The following BCAR3 variants were observed in gnomAD, a reference collection of about 807,000 sequenced individuals.
BCAR3 encodes the protein BCAR3 adaptor protein, NSP family member, also known as breast cancer anti-estrogen resistance protein 3.
A neutral mutation model predicts 80.1 loss-of-function variants in BCAR3; 37 were observed. That is an observed-to-expected ratio of 0.46 (90% CI 0.36 to 0.61). The LOEUF is 0.61. BCAR3 is among the 20% of genes least tolerant of loss of function. The pLI, the probability that BCAR3 is intolerant of heterozygous loss-of-function variation, is 0.00. For synonymous variants in BCAR3, 389 were observed against 418.9 expected (o/e 0.93, Z 0.87); for missense variants, 978 against 1,068.2 (o/e 0.92, Z 1.18).
At chr1:93,841,984 G>C (rs891249611) in intron 2 of BCAR3, among the ~76,000 whole-genome samples, 1 of 152,050 alleles carries the variant, frequency 6.6e-6, no homozygotes, top group Non-Finnish European at 1.5e-5. Flanking sequence ...TTCCTTGTAC[G>C]CAAGTCAGTC....
In BCAR3 at chr1:93,681,811, C is replaced by G. The variant is rs1478673053; in HGVS notation, c.-225G>C. 3.3e-5 allele frequency: 5 copies of G among 152,122 alleles called. No homozygotes were observed. Among genetic ancestry groups the G allele is most frequent in the African/African-American group, 9.7e-5 (4 of 41,422 alleles). The allele number at this position is 152,122 out of a possible 1,614,324, so 9.4% of individuals were successfully genotyped here. A position where few individuals can be genotyped will look rare whatever the true frequency, so the allele number is the denominator to read the frequency against. On this transcript the variant is annotated 5_prime_UTR_variant, in exon 1 of 12. Coordinates refer to ENST00000260502, the MANE Select transcript of BCAR3 (RefSeq NM_003567.4). ...CGGCTCCGGTCCCGGCCCCGTCCCC[C>G]GCCCGGCCAGCAGCAGGCGCAGCTC...
chr1:93,810,640 T>C (rs1429861992), intron 2 of BCAR3, among the ~76,000 whole-genome samples: 1 of 152,178 alleles, frequency 6.6e-6, no homozygotes, highest in African/African-American at 2.4e-5. Context: ...TCCAGGACCC[T>C]CTACAGACAC....
At chr1:93,742,796 C>T (rs1283780361) in intron 2 of BCAR3, among the ~76,000 whole-genome samples, 2 of 152,144 alleles carry the variant, frequency 1.3e-5, no homozygotes, top group Non-Finnish European at 2.9e-5. Context: ...TGTAAACCTA[C>T]TATTTCAAAA....
At chr1:93,716,098 G>C (rs1650180304) in intron 2 of BCAR3, among the ~76,000 whole-genome samples, 1 of 152,192 alleles carries the variant, frequency 6.6e-6, no homozygotes, top group Non-Finnish European at 1.5e-5. Context: ...CACCAGGAGT[G>C]AGTGGTCTCA....
At chr1:93,734,891 T>C (rs923230076) in intron 2 of BCAR3, among the ~76,000 whole-genome samples, 1 of 152,232 alleles carries the variant, frequency 6.6e-6, no homozygotes, top group Admixed American at 6.5e-5. Flanking sequence ...ATACTAAATG[T>C]TAGTTCCTCT....
intron 2 of BCAR3, among the ~76,000 whole-genome samples, chr1:93,844,108 A>G (rs1483955405): frequency 6.6e-6 from 1 of 152,156 alleles, no homozygotes; most frequent in Non-Finnish European, 1.5e-5. Flanking sequence ...GGAGTTCAAG[A>G]CCTGCCTGGA....
intron 2 of BCAR3, among the ~76,000 whole-genome samples, chr1:93,803,667 T>G (rs1412052702): frequency 6.6e-6 from 1 of 152,192 alleles, no homozygotes; most frequent in Non-Finnish European, 1.5e-5. Flanking sequence ...AACTATGCCA[T>G]CTGTGGTCCC....
At chr1:93,659,287 C>T (rs114150035) in intron 2 of BCAR3, among the ~76,000 whole-genome samples, 3,441 of 152,264 alleles carry the variant, frequency 0.023, 127 homozygotes, top group African/African-American at 0.078. Flanking sequence ...TTAAATAAAT[C>T]AATCCTCCTG....
chr1:93,587,492 G>A (rs188555260), intron 5 of BCAR3, among the ~76,000 whole-genome samples: 4 of 152,300 alleles, frequency 2.6e-5, no homozygotes, highest in African/African-American at 7.2e-5. Context: ...AGGTCAAGTC[G>A]CTTGCCCATG....
At chr1:93,660,726 T>C (rs1179757627) in intron 2 of BCAR3, among the ~76,000 whole-genome samples, 1 of 152,250 alleles carries the variant, frequency 6.6e-6, no homozygotes, top group Non-Finnish European at 1.5e-5. Context: ...TATTTGTTTG[T>C]TTGTTTGATA....
rs1277767171 is a variant in BCAR3 at position 93,643,593 on chromosome 1, CAG to C, written c.318-1252_318-1251del. On this transcript the variant is annotated intron_variant, in intron 2 of 11. Transcript: ENST00000260502. ...AAAAAAAGAAATTTTTTTAAAAATA[CAG>C]AGAGAGAATAAAACAGTAGTTATGG... is the stretch of plus-strand genomic sequence containing the variant. 9.0e-5 allele frequency among the ~76,000 whole-genome samples: 7 copies of C among 77,464 alleles called. No homozygotes were observed. The East Asian group carries it at 2.3e-3, about 25-fold the overall frequency. The allele number at this position is 77,464 out of a possible 152,430, so 50.8% of individuals were successfully genotyped here. A position where few individuals can be genotyped will look rare whatever the true frequency, so the allele number is the denominator to read the frequency against.
At chr1:93,783,436 G>A (rs1365201523) in intron 2 of BCAR3, among the ~76,000 whole-genome samples, 1 of 152,142 alleles carries the variant, frequency 6.6e-6, no homozygotes, top group African/African-American at 2.4e-5. Flanking sequence ...CATGTGCAAA[G>A]TTCTATGAGA....
chr1:93,808,042 T>TTA (rs1308025645), intron 2 of BCAR3, among the ~76,000 whole-genome samples: 8 of 138,932 alleles, frequency 5.8e-5, no homozygotes, highest in South Asian at 2.2e-4. Context: ...TTTTTTTTTT[T>TTA]AAAAAAAAAA....
rs77692159 is a variant in BCAR3, at chr1:93,694,285, G to A, written c.-12+11807C>T. ...CATGTCAATCTGGTGCCAGCTCCGG[G>A]ATCCTGAAATGCCCTGCATGAATCA... On this transcript the variant is annotated intron_variant, in intron 3 of 13. Transcript: ENST00000370244. Among the ~76,000 whole-genome samples, 10 of 152,258 alleles carry A rather than the reference G, an allele frequency of 6.6e-5. No individual in the cohort carries two copies. In the East Asian group the frequency reaches 1.5e-3, roughly 24 times the overall value.
At chr1:93,829,927 C>G (rs1654497944) in intron 2 of BCAR3, among the ~76,000 whole-genome samples, 1 of 152,112 alleles carries the variant, frequency 6.6e-6, no homozygotes, top group South Asian at 2.1e-4. Context: ...TTATCACCAT[C>G]CCTCCTTGGT....
chr1:93,820,617 T>C (rs1016491038), intron 2 of BCAR3, among the ~76,000 whole-genome samples: 2 of 152,236 alleles, frequency 1.3e-5, no homozygotes, highest in Admixed American at 1.3e-4. Flanking sequence ...CCACACTCTC[T>C]GGGCATTTGC....
chr1:93,750,185 C>T (rs1390719777), intron 2 of BCAR3, among the ~76,000 whole-genome samples: 1 of 152,210 alleles, frequency 6.6e-6, no homozygotes, highest in East Asian at 1.9e-4. Context: ...TCTGATCAGA[C>T]TGCTTCCTTC....
chr1:93,756,011 G>A (rs1651736450), intron 2 of BCAR3, among the ~76,000 whole-genome samples: 1 of 152,096 alleles, frequency 6.6e-6, no homozygotes, highest in Non-Finnish European at 1.5e-5. Flanking sequence ...GTAAGAGTGG[G>A]GAGAATACGT....
chr1:93,647,920 G>A (rs1344019338), intron 2 of BCAR3, among the ~76,000 whole-genome samples: 3 of 152,028 alleles, frequency 2.0e-5, no homozygotes, highest in Admixed American at 6.5e-5. Context: ...TCGCAGGCAT[G>A]CACCACCACA....
Sources: gnomAD v4.1 joint callset for allele counts (sites outside exome capture counted in the v4.1 genomes callset) on GRCh38, gnomAD v4.1.1 for gene constraint, MANE v1.5 for transcripts, NCBI Gene and HGNC (gene_info 2026-07-23, HGNC 2026-07-21) for gene names.